Variants in TGM7 observed in about 807,000 individuals in gnomAD.
TGM7 encodes transglutaminase 7, also known as protein-glutamine gamma-glutamyltransferase Z.
A neutral mutation model predicts 79.5 loss-of-function variants in TGM7; 74 were observed. The ratio of observed to expected loss-of-function variants is 0.93; its 90% confidence interval spans 0.77 to 1.13. The LOEUF (loss-of-function observed/expected upper bound fraction) is 1.13, where lower values mean the gene tolerates loss of function less well. Among genes scored for constraint, TGM7 ranks in the 50% most tolerant of loss-of-function variants. The pLI is 0.00. For synonymous variants in TGM7, 354 were observed against 362.5 expected (o/e 0.98, Z 0.27); for missense variants, 912 against 905.9 (o/e 1.01, Z -0.09).
chr15:43,282,486 G>A (rs1485923397), intron 8 of TGM7, 31 bp downstream of exon 8: 2 of 1,548,074 alleles, frequency 1.3e-6, no homozygotes, highest in Non-Finnish European at 1.8e-6. Flanking sequence ...TCCCCACAGA[G>A]CCAGAGCCTG....
intron 7 of TGM7, among the ~76,000 whole-genome samples, chr15:43,282,832 C>T (rs1461365060): frequency 4.6e-5 from 7 of 152,146 alleles, no homozygotes; most frequent in South Asian, 2.1e-4. Flanking sequence ...GGGCGGATCA[C>T]GAGGTCAGGA....
chr15:43,292,057 C>T lies in TGM7; in HGVS notation c.480G>A (p.Glu160=). 1 of 1,614,008 alleles carries T rather than the reference C, an allele frequency of 6.2e-7. No individual in the cohort carries two copies. The highest frequency in any genetic ancestry group is 1.3e-5 in the African/African-American group (1 of 75,040). Residue 160 remains glutamate, a synonymous_variant, in exon 4 of 13, where the codon GAG becomes GAA. Transcript: ENST00000452443. The stretch of plus-strand genomic sequence containing the variant: ...CAAAGCCATAATCTCGCATGATATA[C>T]TCCTGCAGCAGTATTTCACTTGGCA... ...VYLPSEILLQ[E]YIMRDYGFVY... is the part of the protein sequence containing the mutation.
intron 4 of TGM7, among the ~76,000 whole-genome samples, chr15:43,289,000 G>C (rs1250459739): frequency 2.0e-5 from 3 of 151,960 alleles, no homozygotes; most frequent in Non-Finnish European, 4.4e-5. Context: ...AGAAGGACAA[G>C]CTTTTTCTGT....
In TGM7 at chr15:43,279,805, G is replaced by T. The variant is rs767409725; in HGVS notation, c.1498C>A (p.Pro500Thr). The T allele has an allele frequency of 6.2e-7, 1 of 1,614,192 alleles. No individual in the cohort carries two copies. Among genetic ancestry groups the T allele is most frequent in the South Asian group, 1.1e-5 (1 of 91,092 alleles). The change falls in exon 10 of 13, where the codon CCC becomes ACC. Residue 500 changes from proline to threonine, a missense_variant. By Grantham distance (38) the Pro-to-Thr change is conservative (BLOSUM62 -1). Coordinates refer to ENST00000452443, the MANE Select transcript of TGM7 (RefSeq NM_052955.3). ...AGCTGCAGGTCCTGGCCCCACTCGG[G>T]TATCCTGGCCAGGTGAAGCTGCAGC... ...AQLQLHLARI[P>T]EWGQDLQLLL...
intron 1 of TGM7, among the ~76,000 whole-genome samples, chr15:43,297,384 C>T (rs12148735): frequency 0.53 from 79,487 of 151,232 alleles, 25,654 homozygotes; most frequent in Non-Finnish European, 0.69. Context: ...ACCTGGGAGG[C>T]GGAGTTTGCA....
chr15:43,285,256 G>A (rs1180967058), intron 6 of TGM7, among the ~76,000 whole-genome samples: 1 of 152,222 alleles, frequency 6.6e-6, no homozygotes, highest in East Asian at 1.9e-4. Flanking sequence ...AAGACAGAGG[G>A]CCAGGCGCGG....
At position 43,276,632 on chromosome 15, in the gene TGM7, C is replaced by G. The variant is rs35891068; in HGVS notation, c.1974-18G>C. The G allele has an allele frequency of 0.013, 20,124 of 1,605,974 alleles. 181 individuals carry two copies. The highest frequency in any genetic ancestry group is 0.014 in the Non-Finnish European group (15,899 of 1,175,652). On this transcript the variant is annotated intron_variant, in intron 12 of 12. Coordinates refer to ENST00000452443, the MANE Select transcript of TGM7 (RefSeq NM_052955.3). ...TCCCAAGGCTGAAAGTCAGAAACAG[C>G]CTGTGAGAGCCTCGAGGACTTCCTG... is the stretch of plus-strand genomic sequence containing the variant.
Position 43,276,410 on chromosome 15 carries a change from C to G in TGM7, c.*45G>C. On this transcript the variant is annotated 3_prime_UTR_variant, in exon 13 of 13. Coordinates refer to ENST00000452443, the MANE Select transcript of TGM7 (RefSeq NM_052955.3). ...CGACATAGCCAGGAGTAGAAAGGAG[C>G]CAGGTGGGGCAGGGGTGCCAGGGAG... 1 of 1,581,850 alleles carries G rather than the reference C, an allele frequency of 6.3e-7. No individual in the cohort carries two copies. The highest frequency in any genetic ancestry group is 8.6e-7 in the Non-Finnish European group (1 of 1,164,646).
At chr15:43,302,183 CTT>C in intron 1 of TGM7, 56 bp downstream of exon 1, 2 of 1,611,516 alleles carry the variant, frequency 1.2e-6, no homozygotes, top group Non-Finnish European at 1.7e-6. Context: ...CCTCTCCAAA[CTT>C]CTCCCCTCTC....
chr15:43,292,760 CACTGTG>C lies in TGM7; in HGVS notation c.382_387del (p.His128_Ser129del). 1.9e-6 allele frequency: 3 copies of C among 1,614,160 alleles called. No homozygotes were observed. The South Asian group carries it at 3.3e-5, about 18-fold the overall frequency. The stretch of plus-strand genomic sequence containing the variant: ...ATGAAAGTTCCCAGCGGGTAAGTCA[CACTGTG>C]ACCTTGGCCCTGAGAGATCTCTATT... On this transcript the variant is annotated inframe_deletion, in exon 3 of 13. Transcript: ENST00000452443.
chr15:43,285,040 G>A (rs1225529086), intron 6 of TGM7, 88 bp from the exon 7 acceptor site: 2 of 1,525,694 alleles, frequency 1.3e-6, no homozygotes, highest in African/African-American at 1.4e-5. Flanking sequence ...TCAAGCTGGA[G>A]GAGAGAAAGC....
At chr15:43,285,377 C>T (rs572686355) in intron 6 of TGM7, among the ~76,000 whole-genome samples, 1 of 151,684 alleles carries the variant, frequency 6.6e-6, no homozygotes, top group Non-Finnish European at 1.5e-5. Flanking sequence ...ACTAAAAATA[C>T]AAAAAAAAAT....
At chr15:43,295,425 T>TCC in intron 1 of TGM7, among the ~76,000 whole-genome samples, 3 of 152,160 alleles carry the variant, frequency 2.0e-5, no homozygotes, top group Admixed American at 6.6e-5. Flanking sequence ...ACCCTGCATC[T>TCC]ACTAAAATAC....
At chr15:43,288,404 G>C (rs908402115) in intron 4 of TGM7, among the ~76,000 whole-genome samples, 1 of 152,106 alleles carries the variant, frequency 6.6e-6, no homozygotes, top group Non-Finnish European at 1.5e-5. Context: ...GAGAAACTAC[G>C]CCTGCGGGGG....
chr15:43,298,759 T>C (rs1442851601), intron 1 of TGM7, among the ~76,000 whole-genome samples: 1 of 151,744 alleles, frequency 6.6e-6, no homozygotes, highest in Non-Finnish European at 1.5e-5. Context: ...CTCAAATAAA[T>C]AAAATAAAAT....
chr15:43,299,394 C>A (rs905325304), intron 1 of TGM7, among the ~76,000 whole-genome samples: 11 of 152,188 alleles, frequency 7.2e-5, no homozygotes, highest in African/African-American at 2.4e-4. Context: ...AAAAGAAGGA[C>A]CACCCTATGT....
chr15:43,280,090 T>A, intron 9 of TGM7, 139 bp from the exon 10 acceptor site: 1 of 696,022 alleles, frequency 1.4e-6, no homozygotes, highest in Non-Finnish European at 2.4e-6. Context: ...TTCAAATCCT[T>A]GCTCTGTCAC....
intron 7 of TGM7, among the ~76,000 whole-genome samples, chr15:43,283,751 C>T (rs754398687): frequency 5.3e-5 from 8 of 152,236 alleles, no homozygotes; most frequent in Non-Finnish European, 1.0e-4. Flanking sequence ...AGGAGTCTAT[C>T]TGTGGATCCC....
chr15:43,291,594 C>T (rs2042963702), intron 4 of TGM7, among the ~76,000 whole-genome samples: 1 of 152,154 alleles, frequency 6.6e-6, no homozygotes, highest in Non-Finnish European at 1.5e-5. Context: ...ATTCTCAGCT[C>T]ATGGGCTAAA....
Sources: gnomAD v4.1 joint callset for allele counts (sites outside exome capture counted in the v4.1 genomes callset) on GRCh38, gnomAD v4.1.1 for gene constraint, MANE v1.5 for transcripts, NCBI Gene and HGNC (gene_info 2026-07-23, HGNC 2026-07-21) for gene names.